The following CDH13 variants were observed in gnomAD, a reference collection of about 807,000 sequenced individuals.
CDH13 encodes cadherin 13.
A neutral mutation model predicts 63.8 loss-of-function variants in CDH13; 24 were observed. The observed-to-expected ratio is 0.38, with a 90% CI of 0.27 to 0.53. The LOEUF is 0.53. Ranked by LOEUF, CDH13 falls within the 20% of genes least tolerant of loss-of-function variation. CDH13 has a pLI of 0.85. For missense variants in CDH13, 1,049 were observed against 903.1 expected, an observed-to-expected ratio of 1.16 and a Z score of -2.07; for synonymous variants, 503 against 355.3, an observed-to-expected ratio of 1.42 and a Z score of -4.67.
At chr16:82,848,123 T>G (rs2039340101) in intron 1 of CDH13, among the ~76,000 whole-genome samples, 1 of 152,222 alleles carries the variant, frequency 6.6e-6, no homozygotes, top group African/African-American at 2.4e-5. Flanking sequence ...TATGTATTGC[T>G]CTTTGAGAAA....
chr16:83,030,649 A>AGAG (rs2151470936), intron 2 of CDH13, among the ~76,000 whole-genome samples: 1 of 150,324 alleles, frequency 6.7e-6, no homozygotes, highest in African/African-American at 2.4e-5. Flanking sequence ...TTAAAAAAAA[A>AGAG]AAAAAAAAAA....
chr16:83,135,764 G>T (rs2036254004), intron 4 of CDH13, among the ~76,000 whole-genome samples: 1 of 152,164 alleles, frequency 6.6e-6, no homozygotes, highest in Non-Finnish European at 1.5e-5. Context: ...GCAAAATCAT[G>T]TAACCAAATG....
chr16:83,537,183 A>G (rs2075207857), intron 7 of CDH13, among the ~76,000 whole-genome samples: 1 of 152,256 alleles, frequency 6.6e-6, no homozygotes, highest in Non-Finnish European at 1.5e-5. Flanking sequence ...TCAAAGGCCC[A>G]GCAGGATGCT....
At chr16:83,402,450 G>A (rs2091982785) in intron 6 of CDH13, among the ~76,000 whole-genome samples, 1 of 152,192 alleles carries the variant, frequency 6.6e-6, no homozygotes, top group African/African-American at 2.4e-5. Flanking sequence ...GAGCCAGACT[G>A]CATTTACCAA....
Position 83,047,100 on chromosome 16 carries a change from A to G in CDH13, c.366+14882A>G, listed in dbSNP as rs1917860477. ...GATTCCTTTGACAGCAACTTTTTAC[A>G]ACTTCCTTCCTTTGAAGATATAAAG... On this transcript the variant is annotated intron_variant, in intron 3 of 13. Coordinates refer to ENST00000567109, the MANE Select transcript of CDH13 (RefSeq NM_001257.5). The surrounding 1 kb of genome is among the most constrained non-coding windows in gnomAD (Gnocchi z 4.9). Among the ~76,000 whole-genome samples the G allele has an allele frequency of 6.6e-6, 1 of 152,112 alleles. No individual in the cohort carries two copies. Among genetic ancestry groups the G allele is most frequent in the African/African-American group, 2.4e-5 (1 of 41,418 alleles).
intron 10 of CDH13, chr16:83,721,540 C>G (rs934637393): frequency 6.6e-6 from 1 of 152,214 alleles, no homozygotes; most frequent in African/African-American, 2.4e-5. Flanking sequence ...GCATGTTTTG[C>G]TCTGGGAAGA....
chr16:83,758,244 G>A (rs537924601), intron 11 of CDH13, among the ~76,000 whole-genome samples: 5 of 152,152 alleles, frequency 3.3e-5, no homozygotes, highest in African/African-American at 9.6e-5. Context: ...ATGAGACAAG[G>A]TTTTTCCAAA....
intron 10 of CDH13, among the ~76,000 whole-genome samples, chr16:83,722,832 A>G (rs186953322): frequency 3.3e-5 from 5 of 152,374 alleles, no homozygotes; most frequent in Admixed American, 6.5e-5. Context: ...TGTATTGCTA[A>G]GACAGCAGCT....
At chr16:83,084,362 C>G (rs1431947556) in intron 3 of CDH13, among the ~76,000 whole-genome samples, 1 of 152,112 alleles carries the variant, frequency 6.6e-6, no homozygotes, top group African/African-American at 2.4e-5. Context: ...CATGTCTGTC[C>G]AGAAGTATTC....
intron 1 of CDH13, among the ~76,000 whole-genome samples, chr16:82,738,449 A>T (rs2033785924): frequency 6.6e-6 from 1 of 152,146 alleles, no homozygotes; most frequent in African/African-American, 2.4e-5. Context: ...TCACCCATTC[A>T]CCTTTCAAAT....
intron 5 of CDH13, among the ~76,000 whole-genome samples, chr16:83,228,873 A>C (rs1052532075): frequency 6.6e-6 from 1 of 152,204 alleles, no homozygotes; most frequent in African/African-American, 2.4e-5. Flanking sequence ...TCCGGTTGAC[A>C]TGCAGGGGAT....
intron 10 of CDH13, chr16:83,726,078 G>T (rs539595952): frequency 6.6e-6 from 1 of 152,348 alleles, no homozygotes; most frequent in South Asian, 2.1e-4. Context: ...ACATTGTAAA[G>T]TGTTGCATTT....
intron 2 of CDH13, among the ~76,000 whole-genome samples, chr16:83,005,172 G>T (rs560901826): frequency 6.6e-6 from 1 of 152,166 alleles, no homozygotes; most frequent in African/African-American, 2.4e-5. Flanking sequence ...ATTATTACAA[G>T]AAGACACAAT....
Position 83,748,093 on chromosome 16 carries a change from G to C in CDH13, c.1539-15G>C. The C allele has an allele frequency of 2.5e-6, 4 of 1,613,702 alleles. No homozygotes were observed. In the South Asian group the frequency reaches 4.4e-5, roughly 18 times the overall value. Reference sequence around the variant, plus strand: ...CTTTGAATGCAGAGTCTGACATTGTGGGGATTTTTTTCAGGTATTCTGTTT... The same window carrying C: ...CTTTGAATGCAGAGTCTGACATTGTCGGGATTTTTTTCAGGTATTCTGTTT... On this transcript the variant is annotated splice_polypyrimidine_tract_variant and intron_variant, in intron 10 of 13. Coordinates refer to ENST00000567109, the MANE Select transcript of CDH13 (RefSeq NM_001257.5).
chr16:83,371,354 C>A (rs2091363886), intron 6 of CDH13, among the ~76,000 whole-genome samples: 1 of 152,100 alleles, frequency 6.6e-6, no homozygotes, highest in Non-Finnish European at 1.5e-5. Flanking sequence ...ATATCCAGGT[C>A]TCCCAATCCT....
chr16:83,661,354 G>A (rs980986545), intron 8 of CDH13, among the ~76,000 whole-genome samples: 11 of 151,944 alleles, frequency 7.2e-5, no homozygotes, highest in Non-Finnish European at 1.6e-4. Context: ...TGGCGTGGTG[G>A]CACATACACA....
At chr16:82,654,902 G>A (rs1387985609) in intron 1 of CDH13, among the ~76,000 whole-genome samples, 1 of 152,166 alleles carries the variant, frequency 6.6e-6, no homozygotes, top group African/African-American at 2.4e-5. Flanking sequence ...TACTGAGGTA[G>A]ATGGAGTGAC....
chr16:83,700,965 C>G (rs763453686), intron 10 of CDH13, among the ~76,000 whole-genome samples: 1 of 152,200 alleles, frequency 6.6e-6, no homozygotes, highest in Admixed American at 6.5e-5. Flanking sequence ...TTTACACCCT[C>G]TTCCCCTTCT....
At chr16:83,303,962 A>G (rs2089812905) in intron 5 of CDH13, among the ~76,000 whole-genome samples, 1 of 152,172 alleles carries the variant, frequency 6.6e-6, no homozygotes, top group African/African-American at 2.4e-5. Flanking sequence ...GACTTTGCCT[A>G]TCTGATAGGA....
Sources: allele counts gnomAD v4.1 joint callset (sites outside exome capture counted in the v4.1 genomes callset), GRCh38; gene constraint gnomAD v4.1.1; non-coding constraint Gnocchi (gnomAD v3.1); transcripts MANE v1.5; gene names NCBI Gene and HGNC (gene_info 2026-07-23, HGNC 2026-07-21).